Variants in SNTB1 observed in about 807,000 individuals in gnomAD.
The protein encoded by SNTB1 is syntrophin beta 1.
In SNTB1, 36 loss-of-function variants were observed where a neutral mutation model predicts 48.9. That is an observed-to-expected ratio of 0.74 (90% confidence interval 0.56 to 0.97). The LOEUF is 0.97. SNTB1 is among the 50% of genes least tolerant of loss of function. SNTB1 has a pLI of 0.00. For missense variants in SNTB1, 786 were observed against 703.4 expected, an observed-to-expected ratio of 1.12 and a Z score of -1.33; for synonymous variants, 299 against 294.6, an observed-to-expected ratio of 1.01 and a Z score of -0.15.
At chr8:120,802,959 A>G (rs1448653995) in intron 1 of SNTB1, among the ~76,000 whole-genome samples, 1 of 152,110 alleles carries the variant, frequency 6.6e-6, no homozygotes, top group Admixed American at 6.6e-5. Context: ...GAGTAAATCT[A>G]ACACCCATCC....
At chr8:120,617,006 G>A (rs1816725138) in intron 3 of SNTB1, among the ~76,000 whole-genome samples, 1 of 152,240 alleles carries the variant, frequency 6.6e-6, no homozygotes, top group Non-Finnish European at 1.5e-5. Context: ...TGTAGAACAA[G>A]CTTGTCCAAC....
intron 3 of SNTB1, among the ~76,000 whole-genome samples, chr8:120,614,604 C>T (rs567032566): frequency 6.6e-6 from 1 of 152,326 alleles, no homozygotes; most frequent in South Asian, 2.1e-4. Flanking sequence ...CACATGGCCA[C>T]GCCTGGAGGT....
intron 1 of SNTB1, among the ~76,000 whole-genome samples, chr8:120,714,634 C>T (rs188178343): frequency 2.0e-5 from 3 of 152,228 alleles, no homozygotes; most frequent in African/African-American, 7.2e-5. Flanking sequence ...GCAAAAATCT[C>T]AGAAGCCTGT....
In SNTB1 at chr8:120,632,616, G is replaced by C. The variant is rs547745148; in HGVS notation, c.824C>G (p.Thr275Arg). 6 of 1,613,998 alleles carry C rather than the reference G, an allele frequency of 3.7e-6. No individual in the cohort carries two copies. The East Asian group carries it at 1.3e-4, about 36-fold the overall frequency. ...LEIHSPDAKH[T>R]VILRSKDSAT... is the part of the protein sequence containing the mutation. The stretch of plus-strand genomic sequence containing the variant: ...TGAGTCCTTGCTCCTTAGGATCACC[G>C]TGTGCTTAGCATCTGGAGAGTGGAT... The change falls in exon 3 of 7, where the codon ACG becomes AGG. Residue 275 changes from threonine to arginine, a missense_variant. Physicochemically the swap from Thr to Arg is moderately conservative, Grantham distance 71. Coordinates refer to ENST00000517992, the MANE Select transcript of SNTB1 (RefSeq NM_021021.4).
At position 120,590,665 on chromosome 8, in the gene SNTB1, CTTTTGT is replaced by C. The variant is rs1563825573; in HGVS notation, c.997-15446_997-15441del. Among the ~76,000 whole-genome samples the C allele has an allele frequency of 3.2e-3, 466 of 145,950 alleles. 4 individuals carry two copies. The highest frequency in any genetic ancestry group is 0.012 in the African/African-American group (448 of 37,778). On this transcript the variant is annotated intron_variant, in intron 3 of 6. Transcript: ENST00000517992. ...TCCTGTGTTCATTATAGGTTTCTTT[CTTTTGT>C]TTTCTTTTCTTTTCTTTTTTTTTTT...
intron 1 of SNTB1, among the ~76,000 whole-genome samples, chr8:120,743,944 C>T (rs576316986): frequency 1.1e-4 from 16 of 152,116 alleles, no homozygotes; most frequent in African/African-American, 3.1e-4. Context: ...GCCTGGGTGA[C>T]ATAGTATACT....
At chr8:120,675,384 C>T (rs1319179881) in intron 2 of SNTB1, among the ~76,000 whole-genome samples, 1 of 152,126 alleles carries the variant, frequency 6.6e-6, no homozygotes, top group African/African-American at 2.4e-5. Context: ...TAGATTTATA[C>T]TGTGGTATAA....
Position 120,632,674 on chromosome 8 carries a change from G to C in SNTB1, c.789-23C>G, listed in dbSNP as rs116014453. The C allele has an allele frequency of 3.7e-3, 5,934 of 1,608,108 alleles. 206 individuals are homozygous for C. The African/African-American group carries it at 0.073, about 20-fold the overall frequency. ...TGCCTAGAGGAGCACAGAGAGAAGG[G>C]TTAGAAAGTTTCCTGGCAGGTCCTG... On this transcript the variant is annotated intron_variant, in intron 2 of 6. Coordinates refer to ENST00000517992, the MANE Select transcript of SNTB1 (RefSeq NM_021021.4).
chr8:120,767,782 T>C (rs1819551767), intron 1 of SNTB1, among the ~76,000 whole-genome samples: 1 of 152,218 alleles, frequency 6.6e-6, no homozygotes, highest in Admixed American at 6.5e-5. Context: ...AGTAGTCTTT[T>C]ATTATGCTCG....
Position 120,535,789 on chromosome 8 carries a change from AT to A in SNTB1, c.*3087del, listed in dbSNP as rs1315865710. 6.6e-6 allele frequency: 1 copy of A among 152,136 alleles called. No individual in the cohort carries two copies. The highest frequency in any genetic ancestry group is 6.5e-5 in the Admixed American group (1 of 15,280). The allele number at this position is 152,136 out of a possible 1,614,324, so 9.4% of individuals were successfully genotyped here. A position where few individuals can be genotyped will look rare whatever the true frequency, so the allele number is the denominator to read the frequency against. On this transcript the variant is annotated 3_prime_UTR_variant, in exon 7 of 7. Coordinates refer to ENST00000517992, the MANE Select transcript of SNTB1 (RefSeq NM_021021.4). ...GAATATTTATTTAATTCATATATAAATTTTACATAATATTCATGGTGCTATA... is the reference window on the plus strand; with the variant it reads ...GAATATTTATTTAATTCATATATAAATTTACATAATATTCATGGTGCTATA...
intron 1 of SNTB1, among the ~76,000 whole-genome samples, chr8:120,806,920 G>T (rs536716691): frequency 6.6e-6 from 1 of 151,916 alleles, no homozygotes; most frequent in Non-Finnish European, 1.5e-5. Context: ...CTTCCTCCTC[G>T]ATCATTCCCA....
At chr8:120,780,612 T>A (rs191879067) in intron 1 of SNTB1, among the ~76,000 whole-genome samples, 80 of 152,358 alleles carry the variant, frequency 5.3e-4, no homozygotes, top group Admixed American at 3.9e-3. Context: ...CAAGAAACAG[T>A]AATGGTTTCA....
intron 2 of SNTB1, chr8:120,635,814 G>T: frequency 3.7e-6 from 1 of 269,338 alleles, no homozygotes; most frequent in Non-Finnish European, 7.7e-6. Flanking sequence ...CCTAAGAAGA[G>T]TCATATGTAC....
chr8:120,608,822 A>C (rs1025472891), intron 3 of SNTB1, among the ~76,000 whole-genome samples: 4 of 152,244 alleles, frequency 2.6e-5, no homozygotes, highest in African/African-American at 9.6e-5. Context: ...ATGAAGAAGG[A>C]AACTGAATTC....
chr8:120,623,025 G>A (rs919221655), intron 3 of SNTB1, among the ~76,000 whole-genome samples: 1 of 152,154 alleles, frequency 6.6e-6, no homozygotes, highest in Non-Finnish European at 1.5e-5. Flanking sequence ...AGAACTCTGT[G>A]CTGCTATTCC....
intron 1 of SNTB1, among the ~76,000 whole-genome samples, chr8:120,793,011 T>C (rs6469953): frequency 0.49 from 74,403 of 151,870 alleles, 21,205 homozygotes; most frequent in African/African-American, 0.79. Flanking sequence ...GCTTTGTTAA[T>C]ACGTTTCTAT....
At chr8:120,686,944 A>C (rs1455801217) in intron 2 of SNTB1, among the ~76,000 whole-genome samples, 3 of 152,360 alleles carry the variant, frequency 2.0e-5, no homozygotes, top group East Asian at 3.9e-4. Flanking sequence ...AACTACATTC[A>C]GAAAATACAT....
intron 3 of SNTB1, 86 bp downstream of exon 3, chr8:120,632,358 C>T (rs1030794914): frequency 3.6e-5 from 44 of 1,213,834 alleles, no homozygotes; most frequent in Non-Finnish European, 4.9e-5. Flanking sequence ...GAGAATCAGC[C>T]TATGGGATGA....
chr8:120,810,124 G>A (rs1195896701), intron 1 of SNTB1, among the ~76,000 whole-genome samples: 1 of 152,160 alleles, frequency 6.6e-6, no homozygotes, highest in Non-Finnish European at 1.5e-5. Flanking sequence ...TACTCAGCAT[G>A]CATGTCATGG....
Sources: allele counts gnomAD v4.1 joint callset (sites outside exome capture counted in the v4.1 genomes callset), GRCh38; gene constraint gnomAD v4.1.1; transcripts MANE v1.5; gene names NCBI Gene and HGNC (gene_info 2026-07-23, HGNC 2026-07-21).